CCNH: variants seen among roughly 807,000 people sequenced by gnomAD.
CCNH encodes cyclin H.
CCNH carries 31 observed loss-of-function variants against 41.9 expected under a neutral mutation model. The ratio of observed to expected loss-of-function variants is 0.74; its 90% CI spans 0.56 to 1.00. The LOEUF (loss-of-function observed/expected upper bound fraction) is 1.00, where lower values mean the gene tolerates loss of function less well. Ranked by LOEUF, CCNH falls within the 50% of genes least tolerant of loss-of-function variation. CCNH has a pLI of 0.00. For synonymous variants in CCNH, 138 were observed against 136.1 expected (o/e 1.01, Z -0.10); for missense variants, 362 against 388.4 (o/e 0.93, Z 0.57).
chr5:87,312,930 A>G, the CCNH span, among the ~76,000 whole-genome samples: 2 of 152,240 alleles, frequency 1.3e-5, no homozygotes, highest in South Asian at 2.1e-4. Flanking sequence ...TTATCAGGGA[A>G]TGATCAACTA....
chr5:87,369,977 A>T, intron 9 of CCNH: 2 of 1,212,604 alleles, frequency 1.6e-6, no homozygotes, highest in Admixed American at 1.8e-5. Context: ...ATAGAAAATG[A>T]TCGCATTCAA....
At chr5:87,395,357 A>C (rs887877092) in intron 7 of CCNH, among the ~76,000 whole-genome samples, 1 of 152,210 alleles carries the variant, frequency 6.6e-6, no homozygotes, top group Non-Finnish European at 1.5e-5. Flanking sequence ...CTGACCTAGG[A>C]AAGAGTGTGA....
intron 9 of CCNH, among the ~76,000 whole-genome samples, chr5:87,345,116 G>C (rs1758757890): frequency 6.6e-6 from 1 of 151,884 alleles, no homozygotes; most frequent in East Asian, 1.9e-4. Context: ...TGGGATTACA[G>C]GTGTGATCCC....
At chr5:87,375,732 C>T (rs554448505), downstream of CCNH, among the ~76,000 whole-genome samples, 9 of 152,224 alleles carry the variant, frequency 5.9e-5, no homozygotes, top group South Asian at 2.1e-4. Flanking sequence ...TGAGATTTAC[C>T]AGTTCACATC....
chr5:87,396,393 G>T (rs1216793431), intron 7 of CCNH, among the ~76,000 whole-genome samples: 1 of 152,124 alleles, frequency 6.6e-6, no homozygotes. Context: ...AGGCTGAGGC[G>T]GGCGGATCAC....
intron 7 of CCNH, among the ~76,000 whole-genome samples, chr5:87,398,232 C>G (rs1013515818): frequency 6.6e-6 from 1 of 152,156 alleles, no homozygotes; most frequent in African/African-American, 2.4e-5. Context: ...TGCACACTTC[C>G]TAAGTCCGTA....
chr5:87,401,848 C>T, intron 5 of CCNH, 76 bp from the exon 6 acceptor site: 1 of 871,866 alleles, frequency 1.1e-6, no homozygotes, highest in Non-Finnish European at 1.7e-6. Flanking sequence ...AAATTATTTT[C>T]CTCCATCCTC....
downstream of CCNH, chr5:87,374,029 C>T: frequency 4.2e-6 from 3 of 715,046 alleles, no homozygotes. Context: ...ATAACCAAAG[C>T]TCACATTTTC....
At chr5:87,410,159 CT>C (rs1764118845) in intron 2 of CCNH, among the ~76,000 whole-genome samples, 1 of 152,088 alleles carries the variant, frequency 6.6e-6, no homozygotes, top group Non-Finnish European at 1.5e-5. Context: ...AGAATATTTC[CT>C]TTTAAGTATT....
At chr5:87,336,836 T>C (rs755124843) in intron 9 of CCNH, among the ~76,000 whole-genome samples, 2 of 152,038 alleles carry the variant, frequency 1.3e-5, no homozygotes, top group Non-Finnish European at 2.9e-5. Context: ...TAGTGAAATA[T>C]TGGCCATCAT....
chr5:87,385,089 A>G (rs1050823352), intron 9 of CCNH, among the ~76,000 whole-genome samples: 7 of 152,142 alleles, frequency 4.6e-5, no homozygotes, highest in African/African-American at 1.7e-4. Context: ...ACTGATAAGC[A>G]TATTCACTTT....
intron 9 of CCNH, among the ~76,000 whole-genome samples, chr5:87,353,818 C>T (rs140654471): frequency 1.2e-4 from 19 of 152,162 alleles, no homozygotes; most frequent in Admixed American, 5.9e-4. Flanking sequence ...TGGCCTTGAG[C>T]AAGAGAGCCT....
chr5:87,359,636 T>C (rs139819837), intron 9 of CCNH, among the ~76,000 whole-genome samples: 3 of 152,336 alleles, frequency 2.0e-5, no homozygotes. Flanking sequence ...GCCATCACCA[T>C]TGAACTAAAG....
chr5:87,356,735 A>G (rs539999438), intron 9 of CCNH, among the ~76,000 whole-genome samples: 49 of 152,298 alleles, frequency 3.2e-4, no homozygotes, highest in African/African-American at 9.6e-4. Context: ...ACATAATGCT[A>G]TTACACACTT....
At chr5:87,401,557 CTT>C in intron 6 of CCNH, 143 bp downstream of exon 6, 1 of 605,898 alleles carries the variant, frequency 1.7e-6, no homozygotes, top group Non-Finnish European at 2.9e-6. Flanking sequence ...ACCAATGTGT[CTT>C]TCATGCTTCC....
chr5:87,318,937 A>G (rs1208138289), intron 9 of CCNH: 2 of 152,284 alleles, frequency 1.3e-5, no homozygotes, highest in African/African-American at 4.8e-5. Flanking sequence ...CCAAGGTACA[A>G]TGAGAGTACA....
chr5:87,383,845 G>A lies in CCNH; in HGVS notation c.*90+8925C>T, dbSNP rs541146400. On this transcript the variant is annotated intron_variant and NMD_transcript_variant, in intron 9 of 9. Transcript: ENST00000645953. ...GAATTAACAGTTTCATACTATTTAA[G>A]AATACTCTTAAATCTTTTTTTTTTT... 1.5e-4 allele frequency: 185 copies of A among 1,256,236 alleles called. No individual in the cohort carries two copies. The African/African-American group carries it at 2.3e-3, about 16-fold the overall frequency. The allele number at this position is 1,256,236 out of a possible 1,614,324, so 77.8% of individuals were successfully genotyped here. A position where few individuals can be genotyped will look rare whatever the true frequency, so the allele number is the denominator to read the frequency against.
chr5:87,319,860 A>G (rs777089326), intron 9 of CCNH, among the ~76,000 whole-genome samples: 5 of 152,228 alleles, frequency 3.3e-5, no homozygotes, highest in Non-Finnish European at 7.3e-5. Context: ...GTGAGGCTGC[A>G]AAATTTCCAA....
downstream of CCNH, chr5:87,390,928 T>C (rs774418681): frequency 3.8e-5 from 58 of 1,538,344 alleles, no homozygotes; most frequent in Non-Finnish European, 5.1e-5. Flanking sequence ...ATGTCCAACA[T>C]GGTAATTCAC....
Sources: gnomAD v4.1 joint callset for allele counts (sites outside exome capture counted in the v4.1 genomes callset) on GRCh38, gnomAD v4.1.1 for gene constraint, MANE v1.5 for transcripts, NCBI Gene and HGNC (gene_info 2026-07-23, HGNC 2026-07-21) for gene names.